MTUS2: variants seen among roughly 807,000 people sequenced by gnomAD.
MTUS2 encodes microtubule associated scaffold protein 2, also known as microtubule-associated tumor suppressor candidate 2.
MTUS2 carries 40 observed loss-of-function variants against 114.1 expected under a neutral mutation model. The ratio of observed to expected loss-of-function variants is 0.35; its 90% CI spans 0.27 to 0.46. The LOEUF (loss-of-function observed/expected upper bound fraction) is 0.46, where lower values mean the gene tolerates loss of function less well. MTUS2 is among the 20% of genes least tolerant of loss of function. The pLI is 1.00. For synonymous variants in MTUS2, 688 were observed against 672.0 expected (o/e 1.02, Z -0.37); for missense variants, 1,679 against 1,705.4 (o/e 0.98, Z 0.27).
At chr13:28,993,490 C>T (rs1159480074) in intron 2 of MTUS2, among the ~76,000 whole-genome samples, 2 of 152,170 alleles carry the variant, frequency 1.3e-5, no homozygotes, top group African/African-American at 2.4e-5. Flanking sequence ...AATTAGGTCC[C>T]TCTTGAGGGA....
chr13:28,886,752 A>G (rs962134775), intron 2 of MTUS2, among the ~76,000 whole-genome samples: 3 of 152,214 alleles, frequency 2.0e-5, no homozygotes, highest in African/African-American at 7.2e-5. Context: ...GGGATAAAGT[A>G]TGCACAGACT....
intron 7 of MTUS2, among the ~76,000 whole-genome samples, chr13:29,356,474 C>T (rs373453812): frequency 1.8e-4 from 27 of 152,314 alleles, no homozygotes; most frequent in South Asian, 8.3e-4. Flanking sequence ...CAGTGATCTT[C>T]GTTCAACATA....
intron 5 of MTUS2, among the ~76,000 whole-genome samples, chr13:29,172,125 AAAC>A (rs1222831613): frequency 6.6e-6 from 1 of 152,226 alleles, no homozygotes; most frequent in African/African-American, 2.4e-5. Context: ...GGTATCATGG[AAAC>A]AACAACTATT....
chr13:29,328,362 G>A (rs1435843543), intron 7 of MTUS2, among the ~76,000 whole-genome samples: 1 of 152,244 alleles, frequency 6.6e-6, no homozygotes, highest in Non-Finnish European at 1.5e-5. Context: ...ACATTTCAGG[G>A]AGACATGAAT....
At chr13:29,397,124 A>G (rs1216392523) in intron 8 of MTUS2, among the ~76,000 whole-genome samples, 2 of 152,174 alleles carry the variant, frequency 1.3e-5, no homozygotes, top group Non-Finnish European at 2.9e-5. Flanking sequence ...TTGACAGCCC[A>G]ACCAACAACT....
chr13:29,011,392 A>G (rs1208744344), intron 2 of MTUS2, among the ~76,000 whole-genome samples: 1 of 152,242 alleles, frequency 6.6e-6, no homozygotes, highest in Non-Finnish European at 1.5e-5. Flanking sequence ...GTGCTATTCA[A>G]ACGCACATCA....
chr13:28,902,976 C>G (rs3011026), intron 2 of MTUS2, among the ~76,000 whole-genome samples: 19,392 of 151,978 alleles, frequency 0.13, 1,494 homozygotes, highest in African/African-American at 0.2. Context: ...AGGTTTTTAC[C>G]TGATGAATTA....
At chr13:29,487,320 G>A (rs1318072651) in intron 10 of MTUS2, among the ~76,000 whole-genome samples, 2 of 152,186 alleles carry the variant, frequency 1.3e-5, no homozygotes, top group African/African-American at 4.8e-5. Flanking sequence ...ACAGACCTGG[G>A]TCTCACTGTT....
At chr13:29,273,803 T>C (rs2139511913) in intron 5 of MTUS2, among the ~76,000 whole-genome samples, 1 of 152,290 alleles carries the variant, frequency 6.6e-6, no homozygotes, top group African/African-American at 2.4e-5. Flanking sequence ...TTTGTCCTTT[T>C]GTAAATGTTT....
intron 2 of MTUS2, among the ~76,000 whole-genome samples, chr13:28,914,906 T>C (rs1216186573): frequency 6.6e-6 from 1 of 151,892 alleles, no homozygotes; most frequent in Admixed American, 6.6e-5. Context: ...CAGAAACTAG[T>C]ATTGTGACCC....
intron 2 of MTUS2, among the ~76,000 whole-genome samples, chr13:29,020,711 G>C (rs750928535): frequency 6.6e-5 from 10 of 152,048 alleles, no homozygotes; most frequent in Non-Finnish European, 1.3e-4. Flanking sequence ...CCTGTGTGGT[G>C]TATGATTCCA....
At chr13:29,018,412 G>A (rs1189841925) in intron 2 of MTUS2, among the ~76,000 whole-genome samples, 1 of 152,144 alleles carries the variant, frequency 6.6e-6, no homozygotes, top group Non-Finnish European at 1.5e-5. Context: ...GGAAATCAAA[G>A]CCTAAAATGG....
chr13:29,209,743 G>C (rs555451173), intron 5 of MTUS2, among the ~76,000 whole-genome samples: 2 of 152,088 alleles, frequency 1.3e-5, no homozygotes, highest in East Asian at 3.9e-4. Flanking sequence ...GTTTAACAAG[G>C]CTAAAGGTAG....
At chr13:29,449,246 G>A (rs997476740) in intron 9 of MTUS2, among the ~76,000 whole-genome samples, 6 of 151,154 alleles carry the variant, frequency 4.0e-5, no homozygotes, top group East Asian at 2.0e-4. Flanking sequence ...ATAAGTTTGC[G>A]GCAGTGAGCA....
At chr13:28,877,042 C>G (rs891282057) in intron 2 of MTUS2, among the ~76,000 whole-genome samples, 8 of 150,732 alleles carry the variant, frequency 5.3e-5, no homozygotes, top group Non-Finnish European at 1.5e-5. Context: ...CCTGTAATCC[C>G]AGGATTTTGG....
chr13:29,447,983 C>T (rs1185165510), intron 9 of MTUS2, among the ~76,000 whole-genome samples: 1 of 152,018 alleles, frequency 6.6e-6, no homozygotes, highest in African/African-American at 2.4e-5. Flanking sequence ...GCACTGAAAT[C>T]GGTTTATAAG....
intron 2 of MTUS2, among the ~76,000 whole-genome samples, chr13:28,994,712 T>C (rs1885015849): frequency 6.6e-6 from 1 of 152,232 alleles, no homozygotes; most frequent in Non-Finnish European, 1.5e-5. Context: ...TTGAGAAGTG[T>C]CTGTTCATGT....
intron 5 of MTUS2, among the ~76,000 whole-genome samples, chr13:29,211,828 C>G (rs1895454128): frequency 6.6e-6 from 1 of 151,252 alleles, no homozygotes. Context: ...CAAGCCACCT[C>G]TTTCAAAGGG....
chr13:29,143,616 T>C (rs1194732392), intron 5 of MTUS2, among the ~76,000 whole-genome samples: 3 of 152,188 alleles, frequency 2.0e-5, no homozygotes, highest in Admixed American at 1.3e-4. Flanking sequence ...AGGATATTTG[T>C]GCAGATTTCC....
Sources: gnomAD v4.1 joint callset for allele counts (sites outside exome capture counted in the v4.1 genomes callset) on GRCh38, gnomAD v4.1.1 for gene constraint, MANE v1.5 for transcripts, NCBI Gene and HGNC (gene_info 2026-07-23, HGNC 2026-07-21) for gene names.